Variants in UTRN observed in about 807,000 individuals in gnomAD.
UTRN encodes dystrophin-related protein 1.
UTRN carries 283 observed loss-of-function variants against 463.9 expected under a neutral mutation model. The observed-to-expected ratio is 0.61, with a 90% CI of 0.55 to 0.67. The LOEUF (loss-of-function observed/expected upper bound fraction) is 0.67. Ranked by LOEUF, UTRN falls within the 30% of genes least tolerant of loss-of-function variation. The pLI is 0.00. For missense variants in UTRN, 3,922 were observed against 4,084.3 expected (o/e 0.96, Z 1.08); for synonymous variants, 1,442 against 1,431.5 (o/e 1.01, Z -0.17).
intron 41 of UTRN, among the ~76,000 whole-genome samples, chr6:144,529,455 C>T (rs1650507137): frequency 6.6e-6 from 1 of 152,190 alleles, no homozygotes; most frequent in African/African-American, 2.4e-5. Flanking sequence ...GTTAGACCTT[C>T]CTCCTATCCA....
At chr6:144,456,064 A>G (rs1788779010) in intron 19 of UTRN, among the ~76,000 whole-genome samples, 1 of 152,032 alleles carries the variant, frequency 6.6e-6, no homozygotes, top group Admixed American at 6.5e-5. Flanking sequence ...TCATTAGAGG[A>G]CCCTAATTCT....
chr6:144,729,034 T>C (rs1788234451), intron 53 of UTRN, among the ~76,000 whole-genome samples: 1 of 152,126 alleles, frequency 6.6e-6, no homozygotes, highest in African/African-American at 2.4e-5. Context: ...TTATCAGTAA[T>C]AGTGGTTTCT....
chr6:144,598,982 A>G (rs1803951396), intron 51 of UTRN, among the ~76,000 whole-genome samples: 1 of 152,208 alleles, frequency 6.6e-6, no homozygotes, highest in Admixed American at 6.5e-5. Context: ...AGAATTTTAA[A>G]ATGTATTTAT....
intron 50 of UTRN, among the ~76,000 whole-genome samples, chr6:144,573,769 T>C (rs1185879763): frequency 6.6e-6 from 1 of 152,064 alleles, no homozygotes; most frequent in Non-Finnish European, 1.5e-5. Flanking sequence ...CTTGTATAAA[T>C]AGGACTCAGG....
At chr6:144,503,597 C>G (rs181743470) in intron 34 of UTRN, among the ~76,000 whole-genome samples, 1 of 152,162 alleles carries the variant, frequency 6.6e-6, no homozygotes, top group Non-Finnish European at 1.5e-5. Flanking sequence ...CTGTTCTGTT[C>G]CATTGGTCTA....
chr6:144,495,394 C>A (rs1213341122), intron 33 of UTRN, among the ~76,000 whole-genome samples: 1 of 152,260 alleles, frequency 6.6e-6, no homozygotes, highest in Non-Finnish European at 1.5e-5. Flanking sequence ...TGGCCCGGTG[C>A]TAAGTCCCTC....
intron 51 of UTRN, among the ~76,000 whole-genome samples, chr6:144,633,392 G>C (rs1211117657): frequency 6.6e-6 from 1 of 152,078 alleles, no homozygotes; most frequent in Non-Finnish European, 1.5e-5. Context: ...ACCACGCCCG[G>C]CTAATATTTT....
At chr6:144,757,151 G>A (rs1364133564) in intron 57 of UTRN, among the ~76,000 whole-genome samples, 1 of 147,396 alleles carries the variant, frequency 6.8e-6, no homozygotes, top group Non-Finnish European at 1.5e-5. Flanking sequence ...AAATTCACAT[G>A]TACTATTCTT....
intron 27 of UTRN, 62 bp from the exon 28 acceptor site, chr6:144,485,323 A>G: frequency 4.4e-6 from 7 of 1,593,968 alleles, no homozygotes; most frequent in Non-Finnish European, 6.0e-6. Context: ...GAGAATGTGT[A>G]GTACTAGAGA....
intron 9 of UTRN, among the ~76,000 whole-genome samples, chr6:144,431,112 C>G (rs1449937300): frequency 1.3e-5 from 2 of 152,016 alleles, no homozygotes; most frequent in Non-Finnish European, 2.9e-5. Context: ...AATGATGCAC[C>G]TTTTTAGTTG....
chr6:144,822,893 A>G (rs981339174), intron 66 of UTRN, among the ~76,000 whole-genome samples: 1 of 152,092 alleles, frequency 6.6e-6, no homozygotes, highest in Non-Finnish European at 1.5e-5. Context: ...GTGCCTTTTA[A>G]TCTTTTGCTA....
At chr6:144,798,738 T>C (rs190875700) in intron 64 of UTRN, among the ~76,000 whole-genome samples, 80 of 152,340 alleles carry the variant, frequency 5.3e-4, no homozygotes, top group African/African-American at 1.8e-3. Context: ...ATTTTGTGTG[T>C]GTCTTTTTTT....
intron 2 of UTRN, among the ~76,000 whole-genome samples, chr6:144,367,937 A>G (rs918404258): frequency 2.0e-5 from 3 of 151,962 alleles, no homozygotes; most frequent in African/African-American, 7.3e-5. Context: ...ACCCGCCACC[A>G]CGCCTGGCTG....
At position 144,313,853 on chromosome 6, in the gene UTRN, T is replaced by C. The variant is rs60857439; in HGVS notation, c.79+21946T>C. Among the ~76,000 whole-genome samples the C allele has an allele frequency of 9.6e-3, 1,458 of 152,310 alleles. 109 individuals carry two copies. The East Asian group carries it at 0.19, about 20-fold the overall frequency. ...AAGGCAAGGTCCTTGCTTGTCTAGG[T>C]CTACAGGTGATGCTACAAAGAGAAT... On this transcript the variant is annotated intron_variant, in intron 2 of 74. Transcript: ENST00000367545.
At chr6:144,335,576 G>T (rs1776653974) in intron 2 of UTRN, among the ~76,000 whole-genome samples, 1 of 152,084 alleles carries the variant, frequency 6.6e-6, no homozygotes, top group African/African-American at 2.4e-5. Context: ...CACTTGCCTT[G>T]CCTGGCCTGG....
chr6:144,789,179 T>G lies in UTRN; in HGVS notation c.8835-15T>G. ...TTTAAATGCATCTAACACATTAACATTCTTATAATTTTAGGGGTCGAACTG... is the reference window on the plus strand; with the variant it reads ...TTTAAATGCATCTAACACATTAACAGTCTTATAATTTTAGGGGTCGAACTG... On this transcript the variant is annotated splice_polypyrimidine_tract_variant and intron_variant, in intron 61 of 74. Coordinates refer to ENST00000367545, the MANE Select transcript of UTRN (RefSeq NM_007124.3). 6 of 1,603,956 alleles carry G rather than the reference T, an allele frequency of 3.7e-6. No homozygotes were observed. Among genetic ancestry groups the G allele is most frequent in the Non-Finnish European group, 2.6e-6 (3 of 1,172,380 alleles).
chr6:144,496,100 C>T (rs1171734448), intron 33 of UTRN, among the ~76,000 whole-genome samples: 1 of 152,164 alleles, frequency 6.6e-6, no homozygotes. Context: ...TGAGCATTTA[C>T]TGTGAGTGAA....
At chr6:144,580,589 G>A (rs1801881313) in intron 51 of UTRN, among the ~76,000 whole-genome samples, 1 of 152,146 alleles carries the variant, frequency 6.6e-6, no homozygotes, top group South Asian at 2.1e-4. Flanking sequence ...CTGCTGCAAG[G>A]CTGTTAGGAT....
intron 41 of UTRN, among the ~76,000 whole-genome samples, chr6:144,529,044 T>C (rs1448800064): frequency 2.0e-5 from 3 of 152,168 alleles, no homozygotes; most frequent in African/African-American, 4.8e-5. Flanking sequence ...TATGGCTGCC[T>C]CTGCTGCATC....
Sources: allele counts gnomAD v4.1 joint callset (sites outside exome capture counted in the v4.1 genomes callset), GRCh38; gene constraint gnomAD v4.1.1; transcripts MANE v1.5; gene names NCBI Gene and HGNC (gene_info 2026-07-23, HGNC 2026-07-21).